Variants in RBM4 observed in about 807,000 individuals in gnomAD.
RBM4 encodes RNA binding motif protein 4.
RBM4 carries 7 observed loss-of-function variants against 29.5 expected under a neutral mutation model. The ratio of observed to expected loss-of-function variants is 0.24; its 90% CI spans 0.14 to 0.45. The LOEUF (loss-of-function observed/expected upper bound fraction) is 0.45, where lower values mean the gene tolerates loss of function less well. RBM4 is among the 20% of genes least tolerant of loss of function. RBM4 has a pLI of 1.00. For synonymous variants in RBM4, 220 were observed against 205.4 expected (o/e 1.07, Z -0.61); for missense variants, 387 against 502.3 (o/e 0.77, Z 2.19).
At chr11:66,647,245 C>T (rs960064208), downstream of RBM4, among the ~76,000 whole-genome samples, 1 of 152,190 alleles carries the variant, frequency 6.6e-6, no homozygotes, top group African/African-American at 2.4e-5. Flanking sequence ...ATACTGAGCA[C>T]CTACTGTATG....
chr11:66,656,691 C>T (rs529333944), intron 2 of RBM4, among the ~76,000 whole-genome samples: 1 of 146,582 alleles, frequency 6.8e-6, no homozygotes, highest in East Asian at 1.9e-4. Flanking sequence ...GATGGTGTCT[C>T]ACTCTATTGC....
At chr11:66,654,889 A>G (rs1242498097) in intron 2 of RBM4, among the ~76,000 whole-genome samples, 1 of 151,576 alleles carries the variant, frequency 6.6e-6, no homozygotes, top group East Asian at 1.9e-4. Flanking sequence ...CAGTGGCGCC[A>G]TTTCGGCTCA....
At position 66,653,819 on chromosome 11, in the gene RBM4, CT is replaced by C. The variant is rs58736660; in HGVS notation, c.413-12027del. On this transcript the variant is annotated intron_variant, in intron 2 of 2. Coordinates refer to the RBM4 transcript ENST00000396053. ...TTTTCTTTTTTCTCTTTTTTTTTTT[CT>C]TTTTTTTTTCTGAGACAGAGTCCTG... 5.9e-5 allele frequency among the ~76,000 whole-genome samples: 8 copies of C among 135,348 alleles called. No individual in the cohort carries two copies. In the East Asian group the frequency reaches 1.1e-3, roughly 18 times the overall value. 88.8% of individuals were successfully genotyped at this position (135,348 alleles called of 152,430 possible).
intron 2 of RBM4, among the ~76,000 whole-genome samples, chr11:66,642,185 G>C (rs181161762): frequency 1.3e-5 from 2 of 152,158 alleles, no homozygotes; most frequent in Admixed American, 6.5e-5. Flanking sequence ...TGTGTTTTCT[G>C]GTCTCCCAGA....
intron 2 of RBM4, among the ~76,000 whole-genome samples, chr11:66,662,526 C>T (rs1217982183): frequency 3.9e-5 from 6 of 152,036 alleles, no homozygotes; most frequent in African/African-American, 1.4e-4. Context: ...CTCAGCCTCC[C>T]TAGTAGCTGG....
Position 66,644,146 on chromosome 11 carries a change from A to G in RBM4, c.*8+6A>G. 6.2e-7 allele frequency: 1 copy of G among 1,602,266 alleles called. No homozygotes were observed. Among genetic ancestry groups the G allele is most frequent in the East Asian group, 2.2e-5 (1 of 44,772 alleles). On this transcript the variant is annotated splice_donor_region_variant and intron_variant, in intron 3 of 3. Coordinates refer to ENST00000310092, the MANE Select transcript of RBM4 (RefSeq NM_002896.4). ...TCAGCCTTTTAAAGCTTGAGGTGAG[A>G]GGGGTGGGGTGTTCCCTCTTCTGGT...
At chr11:66,656,069 C>T (rs1385773257) in intron 2 of RBM4, among the ~76,000 whole-genome samples, 1 of 151,968 alleles carries the variant, frequency 6.6e-6, no homozygotes, top group Non-Finnish European at 1.5e-5. Flanking sequence ...CTCGCGGGTT[C>T]GAGTGATTCT....
chr11:66,643,967 CCTG>C lies in RBM4; in HGVS notation c.932_934del (p.Leu311del). 1 of 1,613,114 alleles carries C rather than the reference CCTG, an allele frequency of 6.2e-7. No homozygotes were observed. Among genetic ancestry groups the C allele is most frequent in the Non-Finnish European group, 8.5e-7 (1 of 1,180,018 alleles). ...CATATTACGGGCGGGATCGGAGCCCCCTGCGTCGCGCTACAGCCCCAGTCCCCA... is the reference window on the plus strand; with the variant it reads ...CATATTACGGGCGGGATCGGAGCCCCCGTCGCGCTACAGCCCCAGTCCCCA... On this transcript the variant is annotated inframe_deletion, in exon 3 of 4. Coordinates refer to ENST00000310092, the MANE Select transcript of RBM4 (RefSeq NM_002896.4). The surrounding 1 kb of genome is among the most constrained non-coding windows in gnomAD (Gnocchi z 6.1).
intron 2 of RBM4, among the ~76,000 whole-genome samples, chr11:66,658,652 A>G (rs922807462): frequency 1.6e-4 from 24 of 151,982 alleles, no homozygotes; most frequent in Non-Finnish European, 3.1e-4. Flanking sequence ...AAAAATTAAT[A>G]TAAGCCAGGC....
rs147402658 is a variant in RBM4, at chr11:66,665,907, C to G, written c.464C>G (p.Thr155Arg). 168 of 1,535,466 alleles carry G rather than the reference C, an allele frequency of 1.1e-4. 1 individual carries two copies. The highest frequency in any genetic ancestry group is 9.2e-4 in the Admixed American group (47 of 50,944). ...TACTGTTGCTGTAACAAAGGGCATA[C>G]ATACATTTTCAAGAACTGCAATTTA... Residue 155 changes from threonine (T) to arginine (R), a missense_variant, in exon 3 of 3, where the codon ACA (threonine) becomes AGA (arginine). Transcript: ENST00000396053.
intron 2 of RBM4, among the ~76,000 whole-genome samples, chr11:66,641,546 CTG>C (rs1938464718): frequency 6.6e-6 from 1 of 152,120 alleles, no homozygotes; most frequent in African/African-American, 2.4e-5. Flanking sequence ...AATTTTTGGA[CTG>C]TTTCCCACAC....
chr11:66,660,960 C>T (rs532595574), intron 2 of RBM4, among the ~76,000 whole-genome samples: 100 of 152,272 alleles, frequency 6.6e-4, no homozygotes, highest in African/African-American at 2.3e-3. Flanking sequence ...CAGCCGTGCC[C>T]GGCCTAAACT....
At chr11:66,649,585 T>G (rs956695570), downstream of RBM4, 2 of 575,930 alleles carry the variant, frequency 3.5e-6, no homozygotes, top group African/African-American at 3.8e-5. Context: ...TCACTGATTT[T>G]CAACATCAAT....
downstream of RBM4, chr11:66,649,667 T>C (rs1938784344): frequency 1.5e-6 from 1 of 688,616 alleles, no homozygotes. Flanking sequence ...TGGCTCTGTG[T>C]AATTGACAAG....
chr11:66,643,133 T>A lies in RBM4; in HGVS notation c.413-317T>A, dbSNP rs986956395. ...GCACTGTTTCTTACTTTGACTTCTTTTGACTTTGAGCCGCTGTTTGGAGAT... is the reference window on the plus strand; with the variant it reads ...GCACTGTTTCTTACTTTGACTTCTTATGACTTTGAGCCGCTGTTTGGAGAT... On this transcript the variant is annotated intron_variant, in intron 2 of 3. Coordinates refer to ENST00000310092, the MANE Select transcript of RBM4 (RefSeq NM_002896.4). This position sits in a 1 kb window ranked among gnomAD's most constrained non-coding sequence, Gnocchi z 6.1. Among the ~76,000 whole-genome samples, 17 of 152,196 alleles carry A rather than the reference T, an allele frequency of 1.1e-4. No individual in the cohort carries two copies. The highest frequency in any genetic ancestry group is 3.1e-4 in the African/African-American group (13 of 41,450).
At chr11:66,660,757 C>T (rs1233386650) in intron 2 of RBM4, among the ~76,000 whole-genome samples, 1 of 151,868 alleles carries the variant, frequency 6.6e-6, no homozygotes, top group Non-Finnish European at 1.5e-5. Context: ...GGGTTCACGC[C>T]ATTCTTCTGC....
chr11:66,653,693 A>G (rs1036298663), intron 2 of RBM4, among the ~76,000 whole-genome samples: 6 of 152,160 alleles, frequency 3.9e-5, no homozygotes, highest in African/African-American at 1.2e-4. Flanking sequence ...AGAATACAGT[A>G]TACATATAAC....
chr11:66,643,816 T>C lies in RBM4; in HGVS notation c.779T>C (p.Met260Thr), dbSNP rs746641528. ...CTGCCACAAGTCCAGAATACAGCCA[T>C]GGCCAGTCACCTCACCTCCACCTCT... The part of the protein sequence containing the change: ...SQLPQVQNTA[M>T]ASHLTSTSLD... Residue 260 changes from methionine (M) to threonine (T), a missense_variant, in exon 3 of 4, where the codon ATG becomes ACG. Physicochemically the swap from Met to Thr is moderately conservative, Grantham distance 81 (BLOSUM62 -1). Around this residue, in one of 2 missense-constraint regions of RBM4, gnomAD observed 281 missense variants for 288.7 expected, o/e 0.97. Transcript: ENST00000310092. The surrounding 1 kb of genome is among the most constrained non-coding windows in gnomAD (Gnocchi z 6.1). 6.2e-7 allele frequency: 1 copy of C among 1,613,874 alleles called. No homozygotes were observed. The highest frequency in any genetic ancestry group is 2.2e-5 in the East Asian group (1 of 44,872).
At chr11:66,650,688 T>TC (rs1477954272), downstream of RBM4, among the ~76,000 whole-genome samples, 1 of 141,114 alleles carries the variant, frequency 7.1e-6, no homozygotes, top group Admixed American at 7.1e-5. Flanking sequence ...AAGGTGAAAC[T>TC]CCATCTCTAC....
Sources: gnomAD v4.1 joint callset for allele counts (sites outside exome capture counted in the v4.1 genomes callset) on GRCh38, gnomAD v4.1.1 for gene constraint, gnomAD v4.1.1 regional missense constraint, Gnocchi (gnomAD v3.1) non-coding constraint, MANE v1.5 for transcripts, NCBI Gene and HGNC (gene_info 2026-07-23, HGNC 2026-07-21) for gene names.